Variants in ME1 observed in about 807,000 individuals in gnomAD.
ME1 encodes NADP-dependent malic enzyme.
Under a neutral mutation model 66.4 loss-of-function variants are expected in ME1, and 74 were observed. The observed-to-expected ratio is 1.11, with a 90% CI of 0.92 to 1.35. The LOEUF (loss-of-function observed/expected upper bound fraction) is 1.35. ME1 is among the 40% of genes most tolerant of loss of function. ME1 has a pLI of 0.00. For missense variants in ME1, 750 were observed against 694.1 expected, an observed-to-expected ratio of 1.08 and a Z score of -0.90; for synonymous variants, 251 against 235.6, an observed-to-expected ratio of 1.07 and a Z score of -0.60.
chr6:83,352,220 T>G, intron 3 of ME1, 81 bp from the exon 4 acceptor site: 1 of 866,160 alleles, frequency 1.2e-6, no homozygotes, highest in Non-Finnish European at 1.7e-6. Flanking sequence ...TTAAATTTTT[T>G]TTCAAACAAC....
intron 3 of ME1, among the ~76,000 whole-genome samples, chr6:83,358,944 C>A (rs989058572): frequency 4.6e-5 from 7 of 151,854 alleles, no homozygotes; most frequent in African/African-American, 1.7e-4. Context: ...GTTGAAAATG[C>A]AAACTTGGGG....
chr6:83,339,805 C>T (rs1321902553), intron 5 of ME1, among the ~76,000 whole-genome samples: 1 of 104,566 alleles, frequency 9.6e-6, no homozygotes, highest in African/African-American at 3.8e-5. Context: ...GAATATCACA[C>T]TCTGGGGACT....
chr6:83,379,173 CAT>C (rs1769347779), intron 3 of ME1, among the ~76,000 whole-genome samples: 2 of 152,056 alleles, frequency 1.3e-5, no homozygotes, highest in Non-Finnish European at 2.9e-5. Flanking sequence ...TTAACAGTCA[CAT>C]GTTAGGAATG....
At chr6:83,397,064 T>G (rs898986335) in intron 3 of ME1, among the ~76,000 whole-genome samples, 1 of 152,120 alleles carries the variant, frequency 6.6e-6, no homozygotes. Flanking sequence ...AGCCTCATGA[T>G]AGTAGTTTGG....
intron 4 of ME1, among the ~76,000 whole-genome samples, chr6:83,348,499 T>C: frequency 6.6e-6 from 1 of 152,148 alleles, no homozygotes; most frequent in Admixed American, 6.6e-5. Context: ...GTTAGCTTAG[T>C]CATTTAGCTT....
chr6:83,246,959 G>T (rs1242511168), intron 7 of ME1, among the ~76,000 whole-genome samples: 1 of 152,050 alleles, frequency 6.6e-6, no homozygotes, highest in Non-Finnish European at 1.5e-5. Flanking sequence ...TAATAGTAAG[G>T]CTAAACTCCA....
In ME1 at chr6:83,253,753, C is replaced by T. The variant is rs1240944970; in HGVS notation, c.705-15G>A. On this transcript the variant is annotated splice_polypyrimidine_tract_variant and intron_variant, in intron 6 of 13. Coordinates refer to ENST00000369705, the MANE Select transcript of ME1 (RefSeq NM_002395.6). ...TCATGCCATACCTATGGGACAAAAA[C>T]ATTCATATTAGAAGAGGTTAATAAA... 1 of 1,313,438 alleles carries T rather than the reference C, an allele frequency of 7.6e-7. No homozygotes were observed. Among genetic ancestry groups the T allele is most frequent in the Non-Finnish European group, 1.1e-6 (1 of 911,630 alleles). 81.4% of individuals were successfully genotyped at this position (1,313,438 alleles called of 1,614,324 possible). A position where few individuals can be genotyped will look rare whatever the true frequency, so the allele number is the denominator to read the frequency against.
chr6:83,228,429 T>G (rs1790239077), intron 10 of ME1, among the ~76,000 whole-genome samples: 1 of 152,146 alleles, frequency 6.6e-6, no homozygotes, highest in Non-Finnish European at 1.5e-5. Flanking sequence ...CTGCTAGATG[T>G]CAGTAGCCCC....
At chr6:83,312,244 C>G (rs955682953) in intron 6 of ME1, among the ~76,000 whole-genome samples, 1 of 152,154 alleles carries the variant, frequency 6.6e-6, no homozygotes, top group Non-Finnish European at 1.5e-5. Flanking sequence ...CTTGAAGCAT[C>G]AAAACACTGT....
intron 3 of ME1, among the ~76,000 whole-genome samples, chr6:83,379,495 T>C (rs1769355086): frequency 6.6e-6 from 1 of 152,088 alleles, no homozygotes; most frequent in South Asian, 2.1e-4. Flanking sequence ...ACATAATAGC[T>C]TCCTTTGCAT....
chr6:83,223,967 A>G (rs991549139), intron 11 of ME1, 34 bp from the exon 12 acceptor site: 4 of 1,589,476 alleles, frequency 2.5e-6, no homozygotes, highest in Admixed American at 3.4e-5. Context: ...CACTTTAAAA[A>G]GAAGCAGAAT....
chr6:83,264,527 C>T (rs1024072271), intron 6 of ME1, among the ~76,000 whole-genome samples: 1 of 152,082 alleles, frequency 6.6e-6, no homozygotes, highest in Non-Finnish European at 1.5e-5. Flanking sequence ...AAGGGTTTAC[C>T]ATTCTAGATG....
chr6:83,260,667 T>A (rs772497195), intron 6 of ME1, among the ~76,000 whole-genome samples: 15 of 152,178 alleles, frequency 9.9e-5, no homozygotes, highest in Non-Finnish European at 1.8e-4. Flanking sequence ...CTCATCATTT[T>A]AACTCCCACT....
In ME1 at chr6:83,237,765, T is replaced by C; in HGVS notation, c.978A>G (p.Lys326=). The change falls in exon 9 of 14, where the codon AAA becomes AAG. Residue 326 remains lysine (K), a synonymous_variant. Coordinates refer to ENST00000369705, the MANE Select transcript of ME1 (RefSeq NM_002395.6). ...CAACCAGCCATATCTTTTTGATGGCTTTCTCTTTTGGTAAACCTTCTTTTT... is the reference window on the plus strand; with the variant it reads ...CAACCAGCCATATCTTTTTGATGGCCTTCTCTTTTGGTAAACCTTCTTTTT... The part of the protein sequence containing the change: ...ALEKEGLPKE[K]AIKKIWLVDS... 1 of 1,609,542 alleles carries C rather than the reference T, an allele frequency of 6.2e-7. No homozygotes were observed. The highest frequency in any genetic ancestry group is 8.5e-7 in the Non-Finnish European group (1 of 1,177,738).
At chr6:83,237,535 C>T (rs1211000950) in intron 9 of ME1, among the ~76,000 whole-genome samples, 182 bp downstream of exon 9, 1 of 152,072 alleles carries the variant, frequency 6.6e-6, no homozygotes, top group Non-Finnish European at 1.5e-5. Flanking sequence ...GAATCTGTTC[C>T]TAAGTCATAG....
intron 1 of ME1, 54 bp from the exon 2 acceptor site, chr6:83,407,955 CA>C: frequency 6.6e-7 from 1 of 1,504,950 alleles, no homozygotes. Flanking sequence ...GGAAAATAGA[CA>C]AAAAGCATAC....
chr6:83,278,219 C>T (rs934582760), intron 6 of ME1, among the ~76,000 whole-genome samples: 1 of 152,154 alleles, frequency 6.6e-6, no homozygotes, highest in African/African-American at 2.4e-5. Flanking sequence ...GAGCCAGTAT[C>T]AGCAGCAAAG....
At chr6:83,333,638 T>C (rs1047646823) in intron 5 of ME1, among the ~76,000 whole-genome samples, 2 of 152,148 alleles carry the variant, frequency 1.3e-5, no homozygotes, top group African/African-American at 2.4e-5. Flanking sequence ...GAGAAAGTAA[T>C]ATGTTGGAGC....
intron 6 of ME1, among the ~76,000 whole-genome samples, chr6:83,301,328 C>T (rs894043582): frequency 5.0e-5 from 7 of 139,078 alleles, no homozygotes; most frequent in East Asian, 2.0e-4. Context: ...CTCTCTCTCT[C>T]TCTCTCTCTC....
Sources: allele counts gnomAD v4.1 joint callset (sites outside exome capture counted in the v4.1 genomes callset), GRCh38; gene constraint gnomAD v4.1.1; transcripts MANE v1.5; gene names NCBI Gene and HGNC (gene_info 2026-07-23, HGNC 2026-07-21).